Variants in MPV17L observed in about 807,000 individuals in gnomAD.
The protein encoded by MPV17L is mpv17-like protein.
In MPV17L, 24 loss-of-function variants were observed where a neutral mutation model predicts 25.8. The observed-to-expected ratio is 0.93, with a 90% CI of 0.67 to 1.31. The LOEUF is 1.31. MPV17L is among the 50% of genes most tolerant of loss of function. MPV17L has a pLI of 0.00. For synonymous variants in MPV17L, 102 were observed against 115.3 expected (o/e 0.88, Z 0.74); for missense variants, 250 against 265.6 (o/e 0.94, Z 0.41).
At chr16:15,400,967 TTTAA>T (rs1459033719) in intron 2 of MPV17L, 110 bp downstream of exon 2, 4 of 650,502 alleles carry the variant, frequency 6.1e-6, no homozygotes, top group African/African-American at 3.9e-5. Flanking sequence ...TAAAAAATCT[TTTAA>T]TTGACACATA....
intron 2 of MPV17L, among the ~76,000 whole-genome samples, chr16:15,404,921 A>G (rs2050668185): frequency 6.6e-6 from 1 of 152,210 alleles, no homozygotes. Context: ...TTGCCGAAGC[A>G]CAGAGGAGAG....
chr16:15,410,596 G>T lies in MPV17L; in HGVS notation c.*2484G>T, dbSNP rs2050725311. On this transcript the variant is annotated 3_prime_UTR_variant, in exon 4 of 4. Coordinates refer to ENST00000396385, the MANE Select transcript of MPV17L (RefSeq NM_001128423.2). ...AATTCCACCTAAGAATTCCACCAGA[G>T]TTCTGTCATCTCCAATGTCATGTTC... 6.6e-6 allele frequency: 1 copy of T among 152,072 alleles called. No individual in the cohort carries two copies. The highest frequency in any genetic ancestry group is 2.1e-4 in the South Asian group (1 of 4,830). 9.4% of individuals were successfully genotyped at this position (152,072 alleles called of 1,614,324 possible).
intron 2 of MPV17L, among the ~76,000 whole-genome samples, chr16:15,405,163 T>A (rs1299525043): frequency 6.6e-6 from 1 of 152,060 alleles, no homozygotes; most frequent in Non-Finnish European, 1.5e-5. Flanking sequence ...CCTGCTTCCT[T>A]TTAGTGGGGG....
chr16:15,396,404 C>T (rs913353084), intron 1 of MPV17L, among the ~76,000 whole-genome samples, 197 bp downstream of exon 1: 1 of 151,982 alleles, frequency 6.6e-6, no homozygotes, highest in Non-Finnish European at 1.5e-5. Flanking sequence ...TGTTTGATTG[C>T]GAAAATTTGC....
intron 2 of MPV17L, among the ~76,000 whole-genome samples, chr16:15,401,269 C>T (rs1037010537): frequency 1.3e-5 from 2 of 151,142 alleles, no homozygotes; most frequent in Non-Finnish European, 3.0e-5. Flanking sequence ...TGTGCCACCA[C>T]ACCCAGCTAA....
At position 15,402,812 on chromosome 16, in the gene MPV17L, G is replaced by A. The variant is rs1483153374; in HGVS notation, c.381+1955G>A. Among the ~76,000 whole-genome samples, 3 of 152,016 alleles carry A rather than the reference G, an allele frequency of 2.0e-5. No homozygotes were observed. In the East Asian group the frequency reaches 5.8e-4, roughly 29 times the overall value. On this transcript the variant is annotated intron_variant, in intron 2 of 3. Coordinates refer to ENST00000396385, the MANE Select transcript of MPV17L (RefSeq NM_001128423.2). Reference sequence around the variant, plus strand: ...TCCTGCCTCAGCCTCCTGAGTAGCTGGAATTACAGACTTGCACCACCACAT... The same window carrying A: ...TCCTGCCTCAGCCTCCTGAGTAGCTAGAATTACAGACTTGCACCACCACAT...
chr16:15,404,578 T>A (rs2050665087), intron 2 of MPV17L, among the ~76,000 whole-genome samples: 1 of 152,004 alleles, frequency 6.6e-6, no homozygotes, highest in African/African-American at 2.4e-5. Flanking sequence ...CTCACCACTT[T>A]GGGAGGCCAA....
At chr16:15,398,060 T>G (rs1247600150) in intron 1 of MPV17L, among the ~76,000 whole-genome samples, 1 of 152,130 alleles carries the variant, frequency 6.6e-6, no homozygotes, top group Non-Finnish European at 1.5e-5. Flanking sequence ...CTTTTTTTTT[T>G]GAGACAGAGT....
chr16:15,410,323 G>C lies in MPV17L; in HGVS notation c.*2211G>C, dbSNP rs984477927. On this transcript the variant is annotated 3_prime_UTR_variant, in exon 4 of 4. Transcript: ENST00000396385. The stretch of plus-strand genomic sequence containing the variant: ...AAGTTTCACTTTGGGAGGCCAAGGC[G>C]GTTGGATCACAAGGTCAGGAGATCG... 6.6e-6 allele frequency: 1 copy of C among 152,102 alleles called. No individual in the cohort carries two copies. The highest frequency in any genetic ancestry group is 6.6e-5 in the Admixed American group (1 of 15,228). The allele number at this position is 152,102 out of a possible 1,614,324, so 9.4% of individuals were successfully genotyped here.
In MPV17L at chr16:15,400,830, G is replaced by A; in HGVS notation, c.354G>A (p.Leu118=). The change falls in exon 2 of 4, where the codon CTG becomes CTA. Residue 118 remains leucine (L), a synonymous_variant. Coordinates refer to ENST00000396385, the MANE Select transcript of MPV17L (RefSeq NM_001128423.2). ...GAAAGGATGACATATTTTTGGACCT[G>A]AAACAGAAATTCTGGAATACCTATC... ...LQGKDDIFLD[L]KQKFWNTYLS... 1.9e-6 allele frequency: 3 copies of A among 1,603,448 alleles called. No individual in the cohort carries two copies. Among genetic ancestry groups the A allele is most frequent in the South Asian group, 1.1e-5 (1 of 88,902 alleles).
At position 15,396,085 on chromosome 16, in the gene MPV17L, A is replaced by T. The variant is rs778030525; in HGVS notation, c.188A>T (p.Asn63Ile). The T allele has an allele frequency of 3.2e-5, 50 of 1,545,698 alleles. 1 individual carries two copies. In the South Asian group the frequency reaches 5.0e-4, roughly 15 times the overall value. Residue 63 changes from asparagine (N) to isoleucine (I), a missense_variant, in exon 1 of 4, where the codon AAC becomes ATC. Asn to Ile is a moderately radical substitution (Grantham distance 149, BLOSUM62 -3). Transcript: ENST00000396385. ...GTGGTGACCTTCCACGCCAACTTCA[A>T]CTACGTGTGGCTGCGCCTGCTGGAG... ...TLVVTFHANF[N>I]YVWLRLLERA...
intron 2 of MPV17L, among the ~76,000 whole-genome samples, chr16:15,405,025 C>T (rs1481750421): frequency 6.6e-6 from 1 of 152,078 alleles, no homozygotes; most frequent in Non-Finnish European, 1.5e-5. Context: ...CTGTGCATCA[C>T]CCATCTTCTT....
intron 1 of MPV17L, among the ~76,000 whole-genome samples, chr16:15,398,529 A>G (rs192593600): frequency 2.6e-5 from 4 of 151,868 alleles, no homozygotes. Flanking sequence ...AAGCTCTCTG[A>G]TACAGATTCC....
At chr16:15,397,767 C>A (rs2050599921) in intron 1 of MPV17L, among the ~76,000 whole-genome samples, 1 of 152,020 alleles carries the variant, frequency 6.6e-6, no homozygotes, top group South Asian at 2.1e-4. Context: ...ACTTCCTTTC[C>A]CTACAGACCC....
Position 15,411,577 on chromosome 16 carries a change from CAGA to C in MPV17L, c.*3469_*3471del, listed in dbSNP as rs1193250645. 6.6e-6 allele frequency: 1 copy of C among 152,042 alleles called. No individual in the cohort carries two copies. The highest frequency in any genetic ancestry group is 2.4e-5 in the African/African-American group (1 of 41,388). The allele number at this position is 152,042 out of a possible 1,614,324, so 9.4% of individuals were successfully genotyped here. ...AGGAGGATCTCTCGAGCTCAGGAGG[CAGA>C]AGATGAATAAATAAATGGATGCAAC... On this transcript the variant is annotated 3_prime_UTR_variant, in exon 4 of 4. Coordinates refer to ENST00000396385, the MANE Select transcript of MPV17L (RefSeq NM_001128423.2).
intron 2 of MPV17L, among the ~76,000 whole-genome samples, chr16:15,405,911 G>A (rs1247184599): frequency 4.0e-5 from 6 of 150,506 alleles, no homozygotes; most frequent in African/African-American, 7.3e-5. Context: ...CATTATGGCC[G>A]GGCATGGTGG....
intron 2 of MPV17L, among the ~76,000 whole-genome samples, chr16:15,403,574 T>C (rs901375399): frequency 6.7e-6 from 1 of 149,666 alleles, no homozygotes; most frequent in Non-Finnish European, 1.5e-5. Flanking sequence ...CTCGGGAGGC[T>C]GAGATGGGAG....
rs548012835 is a variant in MPV17L at position 15,401,058 on chromosome 16, G to GTA, written c.381+229_381+230dup. 4.5e-3 allele frequency among the ~76,000 whole-genome samples: 200 copies of GTA among 44,234 alleles called. 4 individuals are homozygous for GTA. Among genetic ancestry groups the GTA allele is most frequent in the Middle Eastern group, 0.067 (2 of 30 alleles). The allele number at this position is 44,234 out of a possible 152,430, so 29.0% of individuals were successfully genotyped here. On this transcript the variant is annotated intron_variant, in intron 2 of 3. Coordinates refer to ENST00000396385, the MANE Select transcript of MPV17L (RefSeq NM_001128423.2). ...TCAGGATTTTTTTGTATGTGTGTGT[G>GTA]TATATATATATATATATATATATAT...
rs752271141 is a variant in MPV17L at position 15,412,639 on chromosome 16, G to C, written c.*4527G>C. 1 of 149,426 alleles carries C rather than the reference G, an allele frequency of 6.7e-6. No homozygotes were observed. The highest frequency in any genetic ancestry group is 2.5e-5 in the African/African-American group (1 of 40,530). The allele number at this position is 149,426 out of a possible 1,614,324, so 9.3% of individuals were successfully genotyped here. A position where few individuals can be genotyped will look rare whatever the true frequency, so the allele number is the denominator to read the frequency against. ...AGCCCAGGTTGGAGTGCAGTGTCGC[G>C]ATCTCGCCTCACTGCAACCTCTGTC... On this transcript the variant is annotated 3_prime_UTR_variant, in exon 4 of 4. Coordinates refer to ENST00000396385, the MANE Select transcript of MPV17L (RefSeq NM_001128423.2).
Sources: gnomAD v4.1 joint callset for allele counts (sites outside exome capture counted in the v4.1 genomes callset) on GRCh38, gnomAD v4.1.1 for gene constraint, MANE v1.5 for transcripts, NCBI Gene and HGNC (gene_info 2026-07-23, HGNC 2026-07-21) for gene names.